ZNF804B: variants seen among roughly 807,000 people sequenced by gnomAD.
The protein encoded by ZNF804B is zinc finger 804B.
Under a neutral mutation model 101.4 loss-of-function variants are expected in ZNF804B, and 80 were observed. The observed-to-expected ratio is 0.79, with a 90% CI of 0.66 to 0.95. The LOEUF is 0.95. ZNF804B is among the 40% of genes least tolerant of loss of function. The pLI is 0.00. For synonymous variants in ZNF804B, 622 were observed against 558.8 expected (o/e 1.11, Z -1.59); for missense variants, 1,673 against 1,561.9 (o/e 1.07, Z -1.20).
chr7:89,285,546 A>AAAAAAAAAGAAG (rs1554389597), intron 2 of ZNF804B, among the ~76,000 whole-genome samples: 1 of 93,422 alleles, frequency 1.1e-5, no homozygotes, highest in Non-Finnish European at 2.1e-5. Context: ...AAAAAAAAAA[A>AAAAAAAAAGAAG]AAGAAGAAGA....
At chr7:89,257,588 C>CATAT (rs1789653792) in intron 2 of ZNF804B, among the ~76,000 whole-genome samples, 1 of 151,906 alleles carries the variant, frequency 6.6e-6, no homozygotes, top group African/African-American at 2.4e-5. Context: ...GAATAATTGG[C>CATAT]ATATATTTAT....
chr7:88,966,375 A>G lies in ZNF804B; in HGVS notation c.108+206291A>G, dbSNP rs185934152. Among the ~76,000 whole-genome samples, 471 of 151,676 alleles carry G rather than the reference A, an allele frequency of 3.1e-3. 5 individuals carry two copies. The highest frequency in any genetic ancestry group is 8.2e-3 in the Admixed American group (125 of 15,188). On this transcript the variant is annotated intron_variant, in intron 1 of 3. Coordinates refer to ENST00000333190, the MANE Select transcript of ZNF804B (RefSeq NM_181646.5). ...ATCTATAACTATTGCAACTAATCAT[A>G]ACTGTACATCTGAACCACAAGAGTA...
intron 1 of ZNF804B, among the ~76,000 whole-genome samples, chr7:89,171,746 T>G (rs1406668217): frequency 6.6e-6 from 1 of 152,116 alleles, no homozygotes; most frequent in Admixed American, 6.5e-5. Context: ...CTCCATATTT[T>G]TATAGATTAA....
At chr7:89,017,410 G>T (rs549106285) in intron 1 of ZNF804B, among the ~76,000 whole-genome samples, 14 of 152,278 alleles carry the variant, frequency 9.2e-5, no homozygotes, top group Non-Finnish European at 1.5e-5. Context: ...TCCCTGTCTT[G>T]TGCCAGTTTT....
At chr7:89,291,412 G>A (rs1224943640) in intron 2 of ZNF804B, among the ~76,000 whole-genome samples, 1 of 152,098 alleles carries the variant, frequency 6.6e-6, no homozygotes, top group Non-Finnish European at 1.5e-5. Flanking sequence ...ATTCTATAAG[G>A]AAAATTTAAC....
chr7:89,228,662 A>G (rs13221004), intron 2 of ZNF804B, among the ~76,000 whole-genome samples: 18,603 of 152,164 alleles, frequency 0.12, 1,224 homozygotes, highest in Middle Eastern at 0.25. Flanking sequence ...AGACATAAAG[A>G]TTCTTCATGT....
intron 1 of ZNF804B, among the ~76,000 whole-genome samples, chr7:88,900,334 A>G: frequency 6.6e-6 from 1 of 151,852 alleles, no homozygotes; most frequent in Non-Finnish European, 1.5e-5. Context: ...ACATATTTAA[A>G]TGGAATGAAT....
At chr7:89,039,408 CAGATCT>C (rs1274418763) in intron 1 of ZNF804B, among the ~76,000 whole-genome samples, 2 of 151,730 alleles carry the variant, frequency 1.3e-5, no homozygotes, top group Non-Finnish European at 2.9e-5. Flanking sequence ...TTTTAGTGTA[CAGATCT>C]TTCACCTCCT....
chr7:88,842,356 C>G, intron 1 of ZNF804B, among the ~76,000 whole-genome samples: 1 of 152,100 alleles, frequency 6.6e-6, no homozygotes, highest in East Asian at 1.9e-4. Flanking sequence ...ACCAGCTCTC[C>G]CATGAAGTGG....
intron 1 of ZNF804B, among the ~76,000 whole-genome samples, chr7:89,101,243 CTTTGAGCTA>C (rs113328714): frequency 0.026 from 3,900 of 152,018 alleles, 174 homozygotes; most frequent in African/African-American, 0.086. Context: ...GCATGTTTAG[CTTTGAGCTA>C]TTTTCATGGT....
At chr7:88,877,050 T>TAATATATATA (rs1491216741) in intron 1 of ZNF804B, among the ~76,000 whole-genome samples, 3 of 20,200 alleles carry the variant, frequency 1.5e-4, no homozygotes, top group African/African-American at 5.9e-4. Flanking sequence ...TATATATATA[T>TAATATATATA]TTTTTTTTTT....
At position 89,337,283 on chromosome 7, in the gene ZNF804B, G is replaced by A. The variant is rs1351317988; in HGVS notation, c.*251G>A. 2.6e-5 allele frequency among the ~76,000 whole-genome samples: 4 copies of A among 152,042 alleles called. No individual in the cohort carries two copies. Among genetic ancestry groups the A allele is most frequent in the Non-Finnish European group, 4.4e-5 (3 of 67,994 alleles). The stretch of plus-strand genomic sequence containing the variant: ...TAGAGGGAAGAGGGAAAGAGTTAAA[G>A]ATTTGTTTTGGATGGGTTCTCGCAT... On this transcript the variant is annotated 3_prime_UTR_variant, in exon 4 of 4. Transcript: ENST00000333190.
chr7:89,293,945 G>A (rs1365783043), intron 2 of ZNF804B, among the ~76,000 whole-genome samples: 3 of 151,932 alleles, frequency 2.0e-5, no homozygotes, highest in Non-Finnish European at 2.9e-5. Flanking sequence ...ATTGTTTTCC[G>A]GTTTTGTTAA....
In ZNF804B at chr7:89,284,005, C is replaced by T. The variant is rs146215684; in HGVS notation, c.250-43339C>T. On this transcript the variant is annotated intron_variant, in intron 2 of 3. Transcript: ENST00000333190. ...TACTTGTCTATTTTATCATTTACTG[C>T]CATAAAATATACACAAATCTGTTAT... Among the ~76,000 whole-genome samples the T allele has an allele frequency of 1.8e-3, 281 of 152,106 alleles. 1 individual carries two copies. The highest frequency in any genetic ancestry group is 6.5e-3 in the African/African-American group (270 of 41,494).
intron 2 of ZNF804B, among the ~76,000 whole-genome samples, chr7:89,272,031 A>G (rs1353630269): frequency 6.6e-6 from 1 of 152,052 alleles, no homozygotes; most frequent in African/African-American, 2.4e-5. Flanking sequence ...AAGGTTCAAA[A>G]TTCTTAGTAT....
At chr7:88,871,032 T>G (rs934637777) in intron 1 of ZNF804B, among the ~76,000 whole-genome samples, 2 of 152,198 alleles carry the variant, frequency 1.3e-5, no homozygotes, top group African/African-American at 4.8e-5. Flanking sequence ...CAAAAAATTT[T>G]TCTATTAAAA....
At chr7:89,075,831 T>C (rs1445058517) in intron 1 of ZNF804B, among the ~76,000 whole-genome samples, 1 of 152,174 alleles carries the variant, frequency 6.6e-6, no homozygotes, top group Non-Finnish European at 1.5e-5. Context: ...GGGGCAAAGG[T>C]GCCCGAGACC....
chr7:89,209,978 A>G (rs1428635039), intron 1 of ZNF804B, among the ~76,000 whole-genome samples: 3 of 151,960 alleles, frequency 2.0e-5, no homozygotes, highest in Non-Finnish European at 4.4e-5. Flanking sequence ...GTGAAACCCC[A>G]TCTCTACTAA....
chr7:88,779,729 T>G (rs2115655839), intron 1 of ZNF804B, among the ~76,000 whole-genome samples: 1 of 152,316 alleles, frequency 6.6e-6, no homozygotes, highest in South Asian at 2.1e-4. Flanking sequence ...GTGAAACTAC[T>G]TCTCTGAGAA....
Sources: gnomAD v4.1 joint callset for allele counts (sites outside exome capture counted in the v4.1 genomes callset) on GRCh38, gnomAD v4.1.1 for gene constraint, MANE v1.5 for transcripts, NCBI Gene and HGNC (gene_info 2026-07-23, HGNC 2026-07-21) for gene names.